DTNA: variants seen among roughly 807,000 people sequenced by gnomAD.
DTNA encodes the protein dystrobrevin alpha.
DTNA carries 43 observed loss-of-function variants against 100.7 expected under a neutral mutation model. The ratio of observed to expected loss-of-function variants is 0.43; its 90% CI spans 0.33 to 0.55. DTNA has a LOEUF of 0.55. Ranked by LOEUF, DTNA falls within the 20% of genes least tolerant of loss-of-function variation. DTNA has a pLI of 0.04. For synonymous variants in DTNA, 349 were observed against 347.9 expected (o/e 1.00, Z -0.04); for missense variants, 798 against 953.9 (o/e 0.84, Z 2.15).
intron 17 of DTNA, among the ~76,000 whole-genome samples, chr18:34,874,269 A>C (rs2096793764): frequency 6.6e-6 from 1 of 152,222 alleles, no homozygotes; most frequent in African/African-American, 2.4e-5. Flanking sequence ...TAGCAACCAC[A>C]GCAAACAGAC....
chr18:34,529,613 G>A (rs1440660762), intron 1 of DTNA, among the ~76,000 whole-genome samples: 1 of 152,120 alleles, frequency 6.6e-6, no homozygotes, highest in Non-Finnish European at 1.5e-5. Flanking sequence ...AAATGATAGA[G>A]ACGTTTTCCC....
At chr18:34,553,713 G>C (rs960608716) in intron 1 of DTNA, among the ~76,000 whole-genome samples, 20 of 151,178 alleles carry the variant, frequency 1.3e-4, no homozygotes, top group Non-Finnish European at 2.8e-4. Flanking sequence ...TATTTCTGAG[G>C]GCTCTGTTCT....
At chr18:34,664,985 CT>C (rs556245815) in intron 1 of DTNA, among the ~76,000 whole-genome samples, 316 of 141,368 alleles carry the variant, frequency 2.2e-3, no homozygotes, top group Middle Eastern at 7.4e-3. Context: ...TCTTCTTCTT[CT>C]TTTTTTTTTT....
intron 1 of DTNA, among the ~76,000 whole-genome samples, chr18:34,627,913 C>T (rs1350255662): frequency 6.6e-6 from 1 of 152,050 alleles, no homozygotes; most frequent in Non-Finnish European, 1.5e-5. Context: ...CATGGTACAC[C>T]CTTCTGTCTG....
intron 9 of DTNA, among the ~76,000 whole-genome samples, chr18:34,824,996 C>A (rs2095826292): frequency 6.7e-6 from 1 of 149,122 alleles, no homozygotes; most frequent in African/African-American, 2.5e-5. Flanking sequence ...TACTAATACA[C>A]ACACATATAC....
At chr18:34,747,104 C>CTATCTATCTATCTATCTATCTATATATA (rs1041438583) in intron 1 of DTNA, among the ~76,000 whole-genome samples, 4 of 148,228 alleles carry the variant, frequency 2.7e-5, no homozygotes, top group African/African-American at 1.0e-4. Flanking sequence ...ATATCTGTAT[C>CTATCTATCTATCTATCTATCTATATATA]TATATATATA....
chr18:34,769,012 T>C (rs1361760570), intron 3 of DTNA, among the ~76,000 whole-genome samples: 3 of 152,218 alleles, frequency 2.0e-5, no homozygotes, highest in African/African-American at 7.2e-5. Flanking sequence ...CTTATTTATT[T>C]TATAATGTAC....
At chr18:34,828,162 T>C (rs1324265422) in intron 10 of DTNA, among the ~76,000 whole-genome samples, 1 of 152,164 alleles carries the variant, frequency 6.6e-6, no homozygotes, top group Admixed American at 6.5e-5. Context: ...AGTTTCCATA[T>C]AAGTAATTTC....
intron 3 of DTNA, among the ~76,000 whole-genome samples, chr18:34,788,691 T>A (rs1309910755): frequency 1.3e-5 from 2 of 152,190 alleles, no homozygotes; most frequent in Non-Finnish European, 2.9e-5. Flanking sequence ...CAACTTAAAC[T>A]CCACTAACTC....
chr18:34,884,737 C>T lies in DTNA; in HGVS notation c.2305C>T (p.Gln769Ter), dbSNP rs2096906425. 1 of 1,614,004 alleles carries T rather than the reference C, an allele frequency of 6.2e-7. No homozygotes were observed. Among genetic ancestry groups the T allele is most frequent in the Non-Finnish European group, 8.5e-7 (1 of 1,179,984 alleles). ...LQDEAYQVSL[Q>*]G ...CCTTTGTCACCCACAGGTCAGCTTG[C>T]AAGGTTGAATGCAATATCCTTTTAT... is the stretch of plus-strand genomic sequence containing the variant. Residue 769 changes from glutamine (Q) to a stop codon, truncating the protein, a stop_gained, in exon 22 of 23, where the codon CAA (glutamine) becomes TAA (stop). Transcript: ENST00000444659. LOFTEE classifies it high-confidence loss of function.
At chr18:34,834,391 T>A (rs1442855236) in intron 11 of DTNA, among the ~76,000 whole-genome samples, 1 of 151,542 alleles carries the variant, frequency 6.6e-6, no homozygotes, top group East Asian at 1.9e-4. Context: ...TAATCCCAGC[T>A]ACTCAGGAGG....
At chr18:34,844,687 A>G (rs1258477707) in intron 13 of DTNA, among the ~76,000 whole-genome samples, 1 of 152,186 alleles carries the variant, frequency 6.6e-6, no homozygotes, top group Admixed American at 6.6e-5. Flanking sequence ...GCATTTATAT[A>G]TGCTTTTGCT....
At chr18:34,853,233 T>A (rs2096505696) in intron 15 of DTNA, among the ~76,000 whole-genome samples, 1 of 152,218 alleles carries the variant, frequency 6.6e-6, no homozygotes, top group African/African-American at 2.4e-5. Flanking sequence ...TGCACCAACC[T>A]AACACATTCT....
At chr18:34,529,615 C>T (rs1047795584) in intron 1 of DTNA, among the ~76,000 whole-genome samples, 1 of 152,110 alleles carries the variant, frequency 6.6e-6, no homozygotes, top group Non-Finnish European at 1.5e-5. Flanking sequence ...ATGATAGAGA[C>T]GTTTTCCCCA....
chr18:34,568,864 C>G (rs2047323298), intron 1 of DTNA, among the ~76,000 whole-genome samples: 1 of 152,156 alleles, frequency 6.6e-6, no homozygotes. Flanking sequence ...GATCCGCCTG[C>G]CTTGGTCTCC....
At chr18:34,821,702 C>G (rs1376583501) in intron 9 of DTNA, among the ~76,000 whole-genome samples, 1 of 152,202 alleles carries the variant, frequency 6.6e-6, no homozygotes, top group African/African-American at 2.4e-5. Context: ...CATGTAGTCA[C>G]AGATGCCTCC....
chr18:34,883,647 C>T (rs488017), intron 21 of DTNA, among the ~76,000 whole-genome samples: 6,773 of 152,014 alleles, frequency 0.045, 518 homozygotes, highest in African/African-American at 0.15. Flanking sequence ...CCCTGTCTTA[C>T]TTTGTTATTG....
rs1449348781 is a variant in DTNA at position 34,888,619 on chromosome 18, A to G, written c.*885A>G. On this transcript the variant is annotated 3_prime_UTR_variant, in exon 23 of 23. Transcript: ENST00000444659. ...TTAAAATCAGCACAGATCTTCTTAA[A>G]AACTGTGAACTATGTTTTGAAATAC... is the stretch of plus-strand genomic sequence containing the variant. 8.1e-6 allele frequency: 8 copies of G among 985,862 alleles called. No individual in the cohort carries two copies. Among genetic ancestry groups the G allele is most frequent in the Non-Finnish European group, 9.6e-6 (8 of 829,934 alleles). 61.1% of individuals were successfully genotyped at this position (985,862 alleles called of 1,614,324 possible).
In DTNA at chr18:34,889,085, C is replaced by G. The variant is rs1411695244; in HGVS notation, c.*1351C>G. The G allele has an allele frequency of 2.0e-6, 2 of 985,310 alleles. No homozygotes were observed. The highest frequency in any genetic ancestry group is 2.4e-6 in the Non-Finnish European group (2 of 829,922). The allele number at this position is 985,310 out of a possible 1,614,324, so 61.0% of individuals were successfully genotyped here. A position where few individuals can be genotyped will look rare whatever the true frequency, so the allele number is the denominator to read the frequency against. ...GCCCTAAAGACCTCCTTTGGGAATT[C>G]TGGGGAAAAAGAAAAAGTAATCTTC... On this transcript the variant is annotated 3_prime_UTR_variant, in exon 23 of 23. Coordinates refer to ENST00000444659, the MANE Select transcript of DTNA (RefSeq NM_001386795.1).
Sources: allele counts gnomAD v4.1 joint callset (sites outside exome capture counted in the v4.1 genomes callset), GRCh38; gene constraint gnomAD v4.1.1; transcripts MANE v1.5; gene names NCBI Gene and HGNC (gene_info 2026-07-23, HGNC 2026-07-21).